SNPH: variants seen among roughly 807,000 people sequenced by gnomAD.
The protein encoded by SNPH is syntaphilin.
In SNPH, 10 loss-of-function variants were observed where a neutral mutation model predicts 36.8. The observed-to-expected ratio is 0.27, with a 90% CI of 0.17 to 0.46. The LOEUF (loss-of-function observed/expected upper bound fraction) is 0.46. Among genes scored for constraint, SNPH ranks in the 20% least tolerant of loss-of-function variants. SNPH has a pLI of 1.00. For missense variants in SNPH, 622 were observed against 744.0 expected (o/e 0.84, Z 1.91); for synonymous variants, 281 against 312.2 (o/e 0.90, Z 1.05).
At chr20:1,290,882 C>T (rs529515730) in intron 2 of SNPH, among the ~76,000 whole-genome samples, 3 of 152,324 alleles carry the variant, frequency 2.0e-5, no homozygotes, top group Admixed American at 2.0e-4. Flanking sequence ...TTTATGCTAG[C>T]CATCCTAGTG....
intron 2 of SNPH, among the ~76,000 whole-genome samples, chr20:1,293,583 T>C (rs1437560014): frequency 2.0e-5 from 3 of 151,578 alleles, no homozygotes; most frequent in African/African-American, 7.3e-5. Flanking sequence ...GCACACTGAG[T>C]TTTCTGAGTA....
Position 1,305,719 on chromosome 20 carries a change from A to C in SNPH, c.1282A>C (p.Thr428Pro), listed in dbSNP as rs760559294. The C allele has an allele frequency of 8.1e-6, 13 of 1,609,104 alleles. No individual in the cohort carries two copies. Among genetic ancestry groups the C allele is most frequent in the South Asian group, 1.1e-5 (1 of 90,606 alleles). The change falls in exon 7 of 7, where the codon ACC becomes CCC. Residue 428 changes from threonine (T) to proline (P), a missense_variant. Around this residue, in one of 3 missense-constraint regions of SNPH, gnomAD observed 379 missense variants for 427.9 expected, o/e 0.89. Coordinates refer to ENST00000381867, the MANE Select transcript of SNPH (RefSeq NM_001318234.2). ...CCCAGAGCCCATCACCCGTGGACCC[A>C]CCCCACAGCGGCCTGGTGCCAACCC... ...EAPEPITRGP[T>P]PQRPGANPNP...
chr20:1,285,393 A>G lies in SNPH; in HGVS notation c.-492-9558A>G, dbSNP rs1294207999. ...TGTAGTCAGGAACCTCTCAGATACA[A>G]ACGAGTATAGTATTTCAGATTAAGA... On this transcript the variant is annotated intron_variant, in intron 2 of 6. Coordinates refer to ENST00000381867, the MANE Select transcript of SNPH (RefSeq NM_001318234.2). This position sits in a 1 kb window ranked among gnomAD's most constrained non-coding sequence, Gnocchi z 4.9. Among the ~76,000 whole-genome samples the G allele has an allele frequency of 6.6e-6, 1 of 152,224 alleles. No homozygotes were observed. The highest frequency in any genetic ancestry group is 1.5e-5 in the Non-Finnish European group (1 of 68,034).
In SNPH at chr20:1,304,217, A is replaced by G. The variant is rs1363341178; in HGVS notation, c.441-661A>G. ...GATACAAGGAGATACAAAGATACAA[A>G]GAAGCTTCTAGCATGGATAGATGAG... On this transcript the variant is annotated intron_variant, in intron 6 of 6. Coordinates refer to ENST00000381867, the MANE Select transcript of SNPH (RefSeq NM_001318234.2). The surrounding 1 kb of genome is among the most constrained non-coding windows in gnomAD (Gnocchi z 4.3). 1.3e-5 allele frequency among the ~76,000 whole-genome samples: 2 copies of G among 152,164 alleles called. No homozygotes were observed. Among genetic ancestry groups the G allele is most frequent in the Admixed American group, 1.3e-4 (2 of 15,278 alleles).
chr20:1,266,691 C>T lies in SNPH; in HGVS notation c.-562C>T. On this transcript the variant is annotated 5_prime_UTR_variant, in exon 2 of 7. Coordinates refer to ENST00000381867, the MANE Select transcript of SNPH (RefSeq NM_001318234.2). This position sits in a 1 kb window ranked among gnomAD's most constrained non-coding sequence, Gnocchi z 6.0. ...GGCCAGGCGGCTGCAGCAGCGACTG[C>T]AGAGGCGCTGCGCCAAGCCGGGCCG... 1 of 1,464,138 alleles carries T rather than the reference C, an allele frequency of 6.8e-7. No homozygotes were observed. The highest frequency in any genetic ancestry group is 1.5e-5 in the African/African-American group (1 of 67,402). The allele number at this position is 1,464,138 out of a possible 1,614,324, so 90.7% of individuals were successfully genotyped here.
chr20:1,280,622 G>C (rs2088205748), intron 2 of SNPH, among the ~76,000 whole-genome samples: 1 of 152,180 alleles, frequency 6.6e-6, no homozygotes, highest in African/African-American at 2.4e-5. Context: ...TTAGGTCTGA[G>C]TCATACTGAG....
At position 1,266,575 on chromosome 20, in the gene SNPH, C is replaced by A. The variant is rs1744261367; in HGVS notation, c.-599-79C>A. 3 of 1,400,554 alleles carry A rather than the reference C, an allele frequency of 2.1e-6. No individual in the cohort carries two copies. The South Asian group carries it at 5.1e-5, about 24-fold the overall frequency. The allele number at this position is 1,400,554 out of a possible 1,614,324, so 86.8% of individuals were successfully genotyped here. A position where few individuals can be genotyped will look rare whatever the true frequency, so the allele number is the denominator to read the frequency against. ...CTGGCTGCAGCGGCCCAGCTGTCAG[C>A]GGCCGGGGGCTCAGCTGCCTGGGTG... On this transcript the variant is annotated intron_variant, in intron 1 of 6. Coordinates refer to ENST00000381867, the MANE Select transcript of SNPH (RefSeq NM_001318234.2). This position sits in a 1 kb window ranked among gnomAD's most constrained non-coding sequence, Gnocchi z 6.0.
chr20:1,286,298 T>C (rs771900061), intron 2 of SNPH, among the ~76,000 whole-genome samples: 1 of 152,172 alleles, frequency 6.6e-6, no homozygotes. Flanking sequence ...CTGGGCATTG[T>C]TGAGGCCCTG....
chr20:1,287,536 C>T (rs1319710519), intron 2 of SNPH, among the ~76,000 whole-genome samples: 1 of 152,124 alleles, frequency 6.6e-6, no homozygotes, highest in Non-Finnish European at 1.5e-5. Context: ...AACTAACATG[C>T]TTTTTCTGGG....
intron 2 of SNPH, among the ~76,000 whole-genome samples, chr20:1,280,072 AC>A (rs1006820929): frequency 2.6e-5 from 4 of 152,198 alleles, no homozygotes; most frequent in Admixed American, 2.0e-4. Context: ...CTCCACACTG[AC>A]CAGATTGGGG....
At chr20:1,271,064 A>G (rs1220049733) in intron 2 of SNPH, among the ~76,000 whole-genome samples, 1 of 152,170 alleles carries the variant, frequency 6.6e-6, no homozygotes, top group Non-Finnish European at 1.5e-5. Flanking sequence ...ACAGATATTT[A>G]TGACGTGTTT....
chr20:1,309,034 G>T lies in SNPH; in HGVS notation c.*2980G>T. 6.6e-6 allele frequency: 1 copy of T among 152,474 alleles called. No individual in the cohort carries two copies. 9.4% of individuals were successfully genotyped at this position (152,474 alleles called of 1,614,324 possible). A position where few individuals can be genotyped will look rare whatever the true frequency, so the allele number is the denominator to read the frequency against. ...ACCCTTCCCAATTGCCACAAGCGCA[G>T]GGGTATCTTACAGCACTTTGGGGAG... On this transcript the variant is annotated 3_prime_UTR_variant, in exon 7 of 7. Coordinates refer to ENST00000381867, the MANE Select transcript of SNPH (RefSeq NM_001318234.2).
At chr20:1,301,505 C>CT (rs11478452) in intron 6 of SNPH, among the ~76,000 whole-genome samples, 277 of 146,640 alleles carry the variant, frequency 1.9e-3, no homozygotes, top group African/African-American at 2.5e-3. Context: ...TCTTTTCTTT[C>CT]TTTTTTTTTT....
chr20:1,289,666 G>A lies in SNPH; in HGVS notation c.-492-5285G>A, dbSNP rs926036563. On this transcript the variant is annotated intron_variant, in intron 2 of 6. Transcript: ENST00000381867. ...TTGAGACCACCAAGAGCAACATAGT[G>A]AGACCCCACCTTTAAAAAAAGTAAA... Among the ~76,000 whole-genome samples the A allele has an allele frequency of 5.9e-5, 9 of 151,474 alleles. No homozygotes were observed. The South Asian group carries it at 1.5e-3, about 25-fold the overall frequency.
chr20:1,267,451 C>T (rs531931741), intron 2 of SNPH, among the ~76,000 whole-genome samples: 11 of 152,228 alleles, frequency 7.2e-5, no homozygotes, highest in South Asian at 4.1e-4. Context: ...CTGGTGGTGT[C>T]GGGATGGGCT....
chr20:1,274,899 A>G (rs2122246213), intron 2 of SNPH, among the ~76,000 whole-genome samples: 1 of 152,170 alleles, frequency 6.6e-6, no homozygotes, highest in African/African-American at 2.4e-5. Context: ...CTTCCCACAC[A>G]TCCCCTCTGT....
At chr20:1,290,629 A>C (rs1323132) in intron 2 of SNPH, among the ~76,000 whole-genome samples, 109,202 of 152,126 alleles carry the variant, frequency 0.72, 39,734 homozygotes, top group Non-Finnish European at 0.79. Flanking sequence ...TTAGCTATTA[A>C]GAATAGTGCT....
rs549972502 is a variant in SNPH at position 1,296,261 on chromosome 20, G to T, written c.22G>T (p.Glu8Ter). 2 of 1,543,904 alleles carry T rather than the reference G, an allele frequency of 1.3e-6. No individual in the cohort carries two copies. Among genetic ancestry groups the T allele is most frequent in the African/African-American group, 2.8e-5 (2 of 71,500 alleles). ...AGCCATGCCGGGCAGCGGCCCCAGC[G>T]AGAGGATGACGTGGCCTGGCCCGGC... MPGSGPS[E>*]RMTWPGPALS... Residue 8 changes from glutamate (E) to a stop codon, truncating the protein, a stop_gained, in exon 4 of 7, where the codon GAG becomes TAG. Coordinates refer to ENST00000381867, the MANE Select transcript of SNPH (RefSeq NM_001318234.2). LOFTEE classifies it high-confidence loss of function.
At chr20:1,270,626 ACTAT>A (rs2088061796) in intron 2 of SNPH, among the ~76,000 whole-genome samples, 1 of 152,170 alleles carries the variant, frequency 6.6e-6, no homozygotes, top group African/African-American at 2.4e-5. Context: ...TTTTGATGGA[ACTAT>A]CTGTTTGTCC....
Sources: gnomAD v4.1 joint callset for allele counts (sites outside exome capture counted in the v4.1 genomes callset) on GRCh38, gnomAD v4.1.1 for gene constraint, gnomAD v4.1.1 regional missense constraint, Gnocchi (gnomAD v3.1) non-coding constraint, MANE v1.5 for transcripts, NCBI Gene and HGNC (gene_info 2026-07-23, HGNC 2026-07-21) for gene names.